Variants in NRBF2 observed in about 807,000 individuals in gnomAD.
NRBF2 encodes nuclear receptor-binding factor 2.
In NRBF2, 12 loss-of-function variants were observed where a neutral mutation model predicts 28.5. The ratio of observed to expected loss-of-function variants is 0.42; its 90% CI spans 0.27 to 0.68. NRBF2 has a LOEUF of 0.68. Among genes scored for constraint, NRBF2 ranks in the 30% least tolerant of loss-of-function variants. The pLI is 0.24. For missense variants in NRBF2, 274 were observed against 333.5 expected, an observed-to-expected ratio of 0.82 and a Z score of 1.39; for synonymous variants, 102 against 116.5, an observed-to-expected ratio of 0.88 and a Z score of 0.80.
intron 1 of NRBF2, among the ~76,000 whole-genome samples, chr10:63,140,169 G>C (rs1841441547): frequency 2.0e-5 from 3 of 152,002 alleles, no homozygotes; most frequent in African/African-American, 7.2e-5. Flanking sequence ...TCATAAGGAA[G>C]AGAAAATATA....
chr10:63,141,406 A>G (rs370242662), intron 1 of NRBF2, among the ~76,000 whole-genome samples: 10 of 152,362 alleles, frequency 6.6e-5, no homozygotes, highest in African/African-American at 2.4e-4. Context: ...ACTCCACTCC[A>G]GCCTGGGCAA....
intron 1 of NRBF2, among the ~76,000 whole-genome samples, chr10:63,139,650 C>T (rs1013107581): frequency 5.9e-5 from 9 of 152,178 alleles, no homozygotes; most frequent in African/African-American, 2.2e-4. Context: ...CCTGTCAGTC[C>T]GACTTAATCA....
At chr10:63,143,919 G>A (rs983694116) in intron 1 of NRBF2, among the ~76,000 whole-genome samples, 13 of 151,544 alleles carry the variant, frequency 8.6e-5, no homozygotes, top group Non-Finnish European at 1.6e-4. Flanking sequence ...CGCCACACCC[G>A]GCTAATTTTT....
At chr10:63,140,747 C>T (rs1841452063) in intron 1 of NRBF2, among the ~76,000 whole-genome samples, 1 of 151,426 alleles carries the variant, frequency 6.6e-6, no homozygotes, top group African/African-American at 2.4e-5. Context: ...GTCACCCAGG[C>T]TGGAGTGCAG....
intron 1 of NRBF2, among the ~76,000 whole-genome samples, chr10:63,137,401 T>C (rs751440981): frequency 1.3e-5 from 2 of 152,258 alleles, no homozygotes; most frequent in Admixed American, 6.5e-5. Context: ...AGATAATTTC[T>C]AGTTCTTTGG....
Position 63,154,234 on chromosome 10 carries a change from A to G in NRBF2, c.*16A>G, listed in dbSNP as rs1437986263. 1.1e-5 allele frequency: 16 copies of G among 1,437,716 alleles called. 1 individual carries two copies. The highest frequency in any genetic ancestry group is 1.8e-4 in the Middle Eastern group (1 of 5,674). The allele number at this position is 1,437,716 out of a possible 1,614,324, so 89.1% of individuals were successfully genotyped here. The stretch of plus-strand genomic sequence containing the variant: ...GAATAATTAAAATGGAAGGCCACAG[A>G]AAAGGGGAAAAGAGGAAATAATACA... On this transcript the variant is annotated 3_prime_UTR_variant, in exon 4 of 4. Transcript: ENST00000277746.
In NRBF2 at chr10:63,153,981, T is replaced by A. The variant is rs1317084149; in HGVS notation, c.627T>A (p.Gly209=). Residue 209 remains glycine, a synonymous_variant, in exon 4 of 4, where the codon GGT becomes GGA. Coordinates refer to ENST00000277746, the MANE Select transcript of NRBF2 (RefSeq NM_030759.5). Reference sequence around the variant, plus strand: ...CTGAAAAGGCCAGACTTCTAAAAGGTCCAATAGAAAAGGAGCTGGATGTAG... The same window carrying A: ...CTGAAAAGGCCAGACTTCTAAAAGGACCAATAGAAAAGGAGCTGGATGTAG... ...LKAEKARLLK[G]PIEKELDVDA... 5 of 1,611,574 alleles carry A rather than the reference T, an allele frequency of 3.1e-6. No homozygotes were observed. Among genetic ancestry groups the A allele is most frequent in the Non-Finnish European group, 4.2e-6 (5 of 1,179,712 alleles).
At chr10:63,136,438 CAG>C (rs922847521) in intron 1 of NRBF2, among the ~76,000 whole-genome samples, 3 of 152,146 alleles carry the variant, frequency 2.0e-5, no homozygotes, top group Non-Finnish European at 2.9e-5. Context: ...TTTCTATACT[CAG>C]AGAGTTACTA....
At chr10:63,136,159 G>A (rs1033989520) in intron 1 of NRBF2, among the ~76,000 whole-genome samples, 1 of 142,432 alleles carries the variant, frequency 7.0e-6, no homozygotes, top group Non-Finnish European at 1.5e-5. Flanking sequence ...TTGAGACGGA[G>A]TCTCGCTTTG....
intron 2 of NRBF2, 58 bp from the exon 3 acceptor site, chr10:63,152,092 T>C (rs1405370619): frequency 1.6e-6 from 2 of 1,261,748 alleles, no homozygotes; most frequent in Admixed American, 3.5e-5. Flanking sequence ...CTCTTCCTTT[T>C]ACCTGTTAAT....
chr10:63,146,404 T>TATC, intron 2 of NRBF2, 111 bp downstream of exon 2: 2 of 657,354 alleles, frequency 3.0e-6, no homozygotes, highest in South Asian at 4.1e-5. Context: ...CCCACCAGAA[T>TATC]ATCAGCTTTG....
At chr10:63,144,150 C>T (rs143289900) in intron 1 of NRBF2, among the ~76,000 whole-genome samples, 3 of 152,160 alleles carry the variant, frequency 2.0e-5, no homozygotes, top group Non-Finnish European at 4.4e-5. Flanking sequence ...TAAGTATATT[C>T]GCATGGTTGT....
chr10:63,139,743 C>A (rs1289537659), intron 1 of NRBF2, among the ~76,000 whole-genome samples: 1 of 152,140 alleles, frequency 6.6e-6, no homozygotes, highest in Admixed American at 6.5e-5. Flanking sequence ...ACCTGGCTAG[C>A]CTCTGAATGT....
At chr10:63,142,880 A>G (rs958187116) in intron 1 of NRBF2, among the ~76,000 whole-genome samples, 2 of 144,964 alleles carry the variant, frequency 1.4e-5, no homozygotes, top group African/African-American at 2.5e-5. Context: ...TTCCAGGTTC[A>G]AGCAATTCTT....
At chr10:63,134,887 T>A (rs1841350789) in intron 1 of NRBF2, among the ~76,000 whole-genome samples, 1 of 152,158 alleles carries the variant, frequency 6.6e-6, no homozygotes, top group Admixed American at 6.5e-5. Flanking sequence ...ATTTGCGAGT[T>A]TTTTTTAACC....
chr10:63,153,895 C>T lies in NRBF2; in HGVS notation c.541C>T (p.His181Tyr), dbSNP rs1488560442. 2 of 1,611,912 alleles carry T rather than the reference C, an allele frequency of 1.2e-6. No homozygotes were observed. The highest frequency in any genetic ancestry group is 1.7e-6 in the Non-Finnish European group (2 of 1,179,762). Residue 181 changes from histidine (H) to tyrosine (Y), a missense_variant, in exon 4 of 4, where the codon CAT (histidine) becomes TAT (tyrosine). By Grantham distance (83) the His-to-Tyr change is moderately conservative. Transcript: ENST00000277746. ...QATKIADLKR[H>Y]VEFLVAENER... ...AACCAAAATTGCAGATTTGAAGAGG[C>T]ATGTGGAATTCCTTGTGGCTGAGAA...
chr10:63,154,014 T>C lies in NRBF2; in HGVS notation c.660T>C (p.Asp220=). 6.2e-7 allele frequency: 1 copy of C among 1,612,100 alleles called. No homozygotes were observed. Among genetic ancestry groups the C allele is most frequent in the Non-Finnish European group, 8.5e-7 (1 of 1,179,830 alleles). ...PIEKELDVDA[D]FVETSELWSL... is the part of the protein sequence containing the mutation. ...AAAAGGAGCTGGATGTAGATGCTGA[T>C]TTTGTAGAAACGTCAGAGTTATGGA... The change falls in exon 4 of 4, where the codon GAT becomes GAC. Residue 220 remains aspartate, a synonymous_variant. Transcript: ENST00000277746.
At chr10:63,133,808 C>T (rs1197256013) in intron 1 of NRBF2, among the ~76,000 whole-genome samples, 1 of 152,206 alleles carries the variant, frequency 6.6e-6, no homozygotes, top group African/African-American at 2.4e-5. Flanking sequence ...CTCTTAGCGC[C>T]ACGTAGCCAC....
chr10:63,133,383 G>A lies in NRBF2; in HGVS notation c.-88G>A. 2 of 1,518,516 alleles carry A rather than the reference G, an allele frequency of 1.3e-6. No individual in the cohort carries two copies. The highest frequency in any genetic ancestry group is 1.8e-6 in the Non-Finnish European group (2 of 1,106,386). 94.1% of individuals were successfully genotyped at this position (1,518,516 alleles called of 1,614,324 possible). On this transcript the variant is annotated 5_prime_UTR_variant, in exon 1 of 4. Transcript: ENST00000277746. ...GGCGCAGAGAGGGGCCGCAGTCTCC[G>A]CGGCTGCGTCGAGCTCCCTTGCAGT...
Sources: gnomAD v4.1 joint callset for allele counts (sites outside exome capture counted in the v4.1 genomes callset) on GRCh38, gnomAD v4.1.1 for gene constraint, MANE v1.5 for transcripts, NCBI Gene and HGNC (gene_info 2026-07-23, HGNC 2026-07-21) for gene names.